Variants in MGMT observed in about 807,000 individuals in gnomAD.
The protein encoded by MGMT is O-6-methylguanine-DNA methyltransferase.
In MGMT, 14 loss-of-function variants were observed where a neutral mutation model predicts 15.9. The ratio of observed to expected loss-of-function variants is 0.88; its 90% CI spans 0.58 to 1.37. The LOEUF is 1.37. Among genes scored for constraint, MGMT ranks in the 40% most tolerant of loss-of-function variants. MGMT has a pLI of 0.00. For synonymous variants in MGMT, 130 were observed against 118.2 expected (o/e 1.10, Z -0.65); for missense variants, 282 against 268.1 (o/e 1.05, Z -0.36).
intron 2 of MGMT, among the ~76,000 whole-genome samples, chr10:129,686,649 C>T (rs1847907564): frequency 6.6e-6 from 1 of 152,184 alleles, no homozygotes; most frequent in African/African-American, 2.4e-5. Context: ...AGACATGTGC[C>T]ACCGTGCCCG....
chr10:129,537,285 A>C (rs1845996497), intron 2 of MGMT: 1 of 152,242 alleles, frequency 6.6e-6, no homozygotes, highest in African/African-American at 2.4e-5. Flanking sequence ...TGTCCGAGAC[A>C]GCCATAATGA....
At chr10:129,574,210 G>GA (rs773188859) in intron 2 of MGMT, among the ~76,000 whole-genome samples, 19 of 152,146 alleles carry the variant, frequency 1.2e-4, no homozygotes, top group South Asian at 2.1e-4. Context: ...ACCTTTTGGG[G>GA]AAAAAACTAT....
intron 2 of MGMT, among the ~76,000 whole-genome samples, chr10:129,550,704 C>T (rs985653683): frequency 5.9e-5 from 9 of 152,142 alleles, no homozygotes; most frequent in Non-Finnish European, 1.2e-4. Flanking sequence ...CCTTAGTCTC[C>T]CAAAGTCCTG....
At chr10:129,657,576 G>C (rs1285688903) in intron 2 of MGMT, among the ~76,000 whole-genome samples, 3 of 151,486 alleles carry the variant, frequency 2.0e-5, no homozygotes, top group African/African-American at 7.3e-5. Flanking sequence ...GAGGAGGGAT[G>C]GGGTGAGTTT....
intron 2 of MGMT, among the ~76,000 whole-genome samples, chr10:129,669,200 A>AT (rs566347065): frequency 1.1e-4 from 16 of 151,148 alleles, no homozygotes; most frequent in East Asian, 7.8e-4. Flanking sequence ...TTTTACTGCA[A>AT]TTTTTTTTTG....
At chr10:129,509,835 G>T (rs964348444) in intron 1 of MGMT, among the ~76,000 whole-genome samples, 1 of 152,174 alleles carries the variant, frequency 6.6e-6, no homozygotes, top group Non-Finnish European at 1.5e-5. Flanking sequence ...TTTGAGAAAG[G>T]TCCCGTAAAT....
intron 1 of MGMT, among the ~76,000 whole-genome samples, chr10:129,510,128 T>G (rs1537690): frequency 1 from 151,813 of 152,316 alleles, 75,658 homozygotes; most frequent in Middle Eastern, 1. Flanking sequence ...GTACCAGGAC[T>G]CCAGGAGTTG....
At chr10:129,720,746 C>A (rs1409613451) in intron 3 of MGMT, among the ~76,000 whole-genome samples, 1 of 152,192 alleles carries the variant, frequency 6.6e-6, no homozygotes, top group Non-Finnish European at 1.5e-5. Context: ...CCTGCCAATG[C>A]TGTGACAATG....
At chr10:129,574,693 C>G (rs1237347483) in intron 2 of MGMT, among the ~76,000 whole-genome samples, 1 of 152,158 alleles carries the variant, frequency 6.6e-6, no homozygotes, top group African/African-American at 2.4e-5. Context: ...GGGGATTGCA[C>G]CACTGACGGC....
intron 1 of MGMT, among the ~76,000 whole-genome samples, chr10:129,505,249 AC>A (rs35068310): frequency 0.22 from 32,979 of 152,132 alleles, 4,173 homozygotes; most frequent in Non-Finnish European, 0.28. Context: ...CCCCAACCCC[AC>A]TTTTATTTTC....
chr10:129,644,554 T>TC lies in MGMT; in HGVS notation c.126-63334dup, dbSNP rs11354974. On this transcript the variant is annotated intron_variant, in intron 2 of 4. Coordinates refer to ENST00000651593, the MANE Select transcript of MGMT (RefSeq NM_002412.5). The stretch of plus-strand genomic sequence containing the variant: ...ATGAGCCCATCCAGAGTGCTTGGGT[T>TC]CCCCCCCTGAGGCCTGGTGAGAGCC... Among the ~76,000 whole-genome samples, 5 of 151,880 alleles carry TC rather than the reference T, an allele frequency of 3.3e-5. No individual in the cohort carries two copies. In the South Asian group the frequency reaches 6.3e-4, roughly 19 times the overall value.
chr10:129,617,115 A>G (rs1304534162), intron 2 of MGMT, among the ~76,000 whole-genome samples: 5 of 152,066 alleles, frequency 3.3e-5, no homozygotes, highest in South Asian at 2.1e-4. Context: ...TAGGTCTTCA[A>G]TCCTCACCCT....
At chr10:129,687,316 G>T (rs114667596) in intron 2 of MGMT, among the ~76,000 whole-genome samples, 1 of 152,000 alleles carries the variant, frequency 6.6e-6, no homozygotes, top group Non-Finnish European at 1.5e-5. Context: ...GCACCACAAC[G>T]TAGCAGTCTC....
chr10:129,738,631 C>A (rs1182692719), intron 3 of MGMT, among the ~76,000 whole-genome samples: 2 of 152,178 alleles, frequency 1.3e-5, no homozygotes, highest in Admixed American at 1.3e-4. Context: ...TGGGTTGGTT[C>A]CAAGTCTTTG....
At chr10:129,471,880 A>G (rs962285913) in intron 1 of MGMT, among the ~76,000 whole-genome samples, 1 of 152,136 alleles carries the variant, frequency 6.6e-6, no homozygotes, top group African/African-American at 2.4e-5. Context: ...TTCTGTGCAT[A>G]TGGGTCTGAG....
At chr10:129,633,981 A>G (rs1392228740) in intron 2 of MGMT, among the ~76,000 whole-genome samples, 4 of 152,204 alleles carry the variant, frequency 2.6e-5, no homozygotes, top group Admixed American at 6.5e-5. Context: ...TCCACCTGGC[A>G]TCATTTTCTT....
At chr10:129,644,294 C>G (rs896031781) in intron 2 of MGMT, among the ~76,000 whole-genome samples, 2 of 152,186 alleles carry the variant, frequency 1.3e-5, no homozygotes, top group Non-Finnish European at 2.9e-5. Context: ...ACATTGAGTA[C>G]AGTGAGGCCA....
At chr10:129,756,317 C>T (rs980290420) in intron 3 of MGMT, among the ~76,000 whole-genome samples, 24 of 152,074 alleles carry the variant, frequency 1.6e-4, no homozygotes, top group Admixed American at 1.4e-3. Flanking sequence ...GGAGGAAGGG[C>T]GAGTGTGGGA....
intron 2 of MGMT, among the ~76,000 whole-genome samples, chr10:129,630,284 G>A (rs1330392676): frequency 6.6e-6 from 1 of 152,246 alleles, no homozygotes; most frequent in Non-Finnish European, 1.5e-5. Context: ...TCTCCCTGTA[G>A]AAGGTCGGCT....
Sources: allele counts gnomAD v4.1 joint callset (sites outside exome capture counted in the v4.1 genomes callset), GRCh38; gene constraint gnomAD v4.1.1; transcripts MANE v1.5; gene names NCBI Gene and HGNC (gene_info 2026-07-23, HGNC 2026-07-21).